Variants in ASIC5 observed in about 807,000 individuals in gnomAD.
ASIC5 encodes bile acid-sensitive ion channel.
ASIC5 carries 52 observed loss-of-function variants against 51.2 expected under a neutral mutation model. The observed-to-expected ratio is 1.02, with a 90% CI of 0.81 to 1.28. The LOEUF (loss-of-function observed/expected upper bound fraction) is 1.28. Ranked by LOEUF, ASIC5 falls within the 50% of genes most tolerant of loss-of-function variation. The pLI is 0.00. For synonymous variants in ASIC5, 231 were observed against 200.7 expected (o/e 1.15, Z -1.28); for missense variants, 635 against 595.0 (o/e 1.07, Z -0.70).
rs763638858 is a variant in ASIC5, at chr4:155,854,181, G to C, written c.481C>G (p.His161Asp). 1 of 1,613,418 alleles carries C rather than the reference G, an allele frequency of 6.2e-7. No individual in the cohort carries two copies. Among genetic ancestry groups the C allele is most frequent in the East Asian group, 2.2e-5 (1 of 44,826 alleles). The change falls in exon 3 of 10, where the codon CAC becomes GAC. Residue 161 changes from histidine to aspartate, a missense_variant. Transcript: ENST00000537611. ...AATTCCACAATGCTGAAGTTTTGGT[G>C]ACTTGCAGCAAAATCAGTAGCCTCT... is the stretch of plus-strand genomic sequence containing the variant. ...SREATDFAAS[H>D]QNFSIVEFIR...
intron 9 of ASIC5, among the ~76,000 whole-genome samples, chr4:155,830,726 C>T (rs1740854039): frequency 6.6e-6 from 1 of 152,132 alleles, no homozygotes; most frequent in South Asian, 2.1e-4. Context: ...CTAACTGAAA[C>T]TCTGTACGCA....
At chr4:155,841,489 G>A (rs573006292) in intron 6 of ASIC5, among the ~76,000 whole-genome samples, 8 of 152,234 alleles carry the variant, frequency 5.3e-5, no homozygotes, top group Admixed American at 1.3e-4. Context: ...GAGCCGACAT[G>A]AGCAGCCTGG....
intron 8 of ASIC5, among the ~76,000 whole-genome samples, chr4:155,833,292 G>A (rs1049150759): frequency 2.6e-5 from 4 of 152,004 alleles, no homozygotes; most frequent in Non-Finnish European, 1.5e-5. Flanking sequence ...TTTTAAAATG[G>A]CAATAATAAT....
At chr4:155,847,346 A>T (rs551698028) in intron 4 of ASIC5, among the ~76,000 whole-genome samples, 1 of 152,222 alleles carries the variant, frequency 6.6e-6, no homozygotes, top group Admixed American at 6.5e-5. Context: ...TCTAAAAAGG[A>T]TACCAAGTCC....
intron 2 of ASIC5, among the ~76,000 whole-genome samples, chr4:155,855,677 TTTATA>T (rs1299852659): frequency 1.3e-5 from 2 of 149,764 alleles, no homozygotes; most frequent in Non-Finnish European, 3.0e-5. Flanking sequence ...TCTATTTTGC[TTTATA>T]TTATATTATC....
At chr4:155,864,032 C>T (rs541969014) in intron 1 of ASIC5, among the ~76,000 whole-genome samples, 2 of 152,212 alleles carry the variant, frequency 1.3e-5, no homozygotes, top group East Asian at 3.9e-4. Context: ...TAGGTGACTT[C>T]CAGCTTTAAA....
intron 8 of ASIC5, among the ~76,000 whole-genome samples, chr4:155,832,647 G>A (rs57131391): frequency 0.061 from 9,347 of 152,146 alleles, 359 homozygotes; most frequent in South Asian, 0.16. Flanking sequence ...TCTAATAGAT[G>A]TTCCAACTTT....
intron 9 of ASIC5, among the ~76,000 whole-genome samples, chr4:155,830,733 C>T (rs1160997759): frequency 2.6e-5 from 4 of 152,246 alleles, no homozygotes; most frequent in African/African-American, 7.2e-5. Context: ...AAACTCTGTA[C>T]GCATTAAACT....
chr4:155,831,723 A>G lies in ASIC5; in HGVS notation c.1327+101T>C, dbSNP rs1740873588. On this transcript the variant is annotated intron_variant, in intron 9 of 9. Transcript: ENST00000537611. Reference sequence around the variant, plus strand: ...TGGGAAGCGGAGCTTGCAGTAAGCCAAGATGGCGCCACTGCACTCCAGCCT... The same window carrying G: ...TGGGAAGCGGAGCTTGCAGTAAGCCGAGATGGCGCCACTGCACTCCAGCCT... 5.8e-6 allele frequency: 4 copies of G among 684,280 alleles called. No individual in the cohort carries two copies. In the South Asian group the frequency reaches 6.0e-5, roughly 10 times the overall value. 42.4% of individuals were successfully genotyped at this position (684,280 alleles called of 1,614,324 possible).
At chr4:155,849,058 C>T (rs1044883683) in intron 4 of ASIC5, among the ~76,000 whole-genome samples, 3 of 152,062 alleles carry the variant, frequency 2.0e-5, no homozygotes, top group Non-Finnish European at 4.4e-5. Context: ...TCTGTTTTCA[C>T]TTGTAACAGG....
intron 4 of ASIC5, among the ~76,000 whole-genome samples, chr4:155,845,409 T>TC (rs1348701649): frequency 1.3e-5 from 2 of 151,380 alleles, no homozygotes; most frequent in Non-Finnish European, 2.9e-5. Context: ...AGCAAAAGTT[T>TC]TTTTTTTCCT....
chr4:155,857,660 C>T (rs1299912772), intron 2 of ASIC5, among the ~76,000 whole-genome samples: 1 of 152,008 alleles, frequency 6.6e-6, no homozygotes, highest in Non-Finnish European at 1.5e-5. Flanking sequence ...GTTATATGAC[C>T]CAAATGAGTA....
chr4:155,829,742 C>A lies in ASIC5; in HGVS notation c.*114G>T, dbSNP rs1740831188. The A allele has an allele frequency of 3.4e-6, 2 of 596,870 alleles. No individual in the cohort carries two copies. The highest frequency in any genetic ancestry group is 2.0e-5 in the African/African-American group (1 of 51,262). 37.0% of individuals were successfully genotyped at this position (596,870 alleles called of 1,614,324 possible). A position where few individuals can be genotyped will look rare whatever the true frequency, so the allele number is the denominator to read the frequency against. ...GAAATATATATGAAGAGATACATATCTTTAATGGCTTTTATCGAACTCTCA... is the reference window on the plus strand; with the variant it reads ...GAAATATATATGAAGAGATACATATATTTAATGGCTTTTATCGAACTCTCA... On this transcript the variant is annotated 3_prime_UTR_variant, in exon 10 of 10. Transcript: ENST00000537611.
chr4:155,839,652 C>T (rs1399047), intron 6 of ASIC5, among the ~76,000 whole-genome samples: 148,492 of 152,158 alleles, frequency 0.98, 72,492 homozygotes, highest in East Asian at 1. Context: ...CCACTTACAA[C>T]GTGCGGACAA....
Position 155,863,439 on chromosome 4 carries a change from A to G in ASIC5, c.347+9T>C. Reference sequence around the variant, plus strand: ...AGGAACTAATTATTTTTAAAAAAGTAATTTTTACCTGTTCAAATTACAAAA... The same window carrying G: ...AGGAACTAATTATTTTTAAAAAAGTGATTTTTACCTGTTCAAATTACAAAA... On this transcript the variant is annotated intron_variant, in intron 2 of 9. Coordinates refer to ENST00000537611, the MANE Select transcript of ASIC5 (RefSeq NM_017419.3). 6.3e-7 allele frequency: 1 copy of G among 1,595,230 alleles called. No homozygotes were observed. Among genetic ancestry groups the G allele is most frequent in the Non-Finnish European group, 8.6e-7 (1 of 1,169,126 alleles).
intron 9 of ASIC5, among the ~76,000 whole-genome samples, chr4:155,831,314 T>C (rs902824019): frequency 1.9e-4 from 29 of 152,178 alleles, no homozygotes; most frequent in Admixed American, 4.6e-4. Context: ...CACCAGCCTT[T>C]TCTTTATAAA....
At chr4:155,831,523 G>A (rs539653962) in intron 9 of ASIC5, among the ~76,000 whole-genome samples, 84 of 152,176 alleles carry the variant, frequency 5.5e-4, no homozygotes, top group Non-Finnish European at 9.6e-4. Flanking sequence ...TGTAATCCCA[G>A]CACCTCAGGA....
intron 7 of ASIC5, among the ~76,000 whole-genome samples, chr4:155,838,260 T>C (rs1050184514): frequency 6.6e-6 from 1 of 152,168 alleles, no homozygotes; most frequent in Non-Finnish European, 1.5e-5. Context: ...CAGTAGGATA[T>C]ACTAAAGTGT....
At chr4:155,838,532 A>C (rs1741044905) in intron 7 of ASIC5, among the ~76,000 whole-genome samples, 1 of 152,164 alleles carries the variant, frequency 6.6e-6, no homozygotes, top group Admixed American at 6.6e-5. Flanking sequence ...TTCACAATAA[A>C]CTTGTTTTAT....
Sources: gnomAD v4.1 joint callset for allele counts (sites outside exome capture counted in the v4.1 genomes callset) on GRCh38, gnomAD v4.1.1 for gene constraint, MANE v1.5 for transcripts, NCBI Gene and HGNC (gene_info 2026-07-23, HGNC 2026-07-21) for gene names.